MPDZ: variants seen among roughly 807,000 people sequenced by gnomAD.
MPDZ encodes the protein multiple PDZ domain protein.
A neutral mutation model predicts 239.1 loss-of-function variants in MPDZ; 234 were observed. The observed-to-expected ratio is 0.98, with a 90% CI of 0.88 to 1.09. The LOEUF is 1.09. Ranked by LOEUF, MPDZ falls within the 50% of genes least tolerant of loss-of-function variation. The pLI is 0.00. For synonymous variants in MPDZ, 1,048 were observed against 881.3 expected, an observed-to-expected ratio of 1.19 and a Z score of -3.35; for missense variants, 3,175 against 2,510.0, an observed-to-expected ratio of 1.26 and a Z score of -5.66.
chr9:13,122,306 A>G (rs1944469410), intron 36 of MPDZ, 136 bp from the exon 37 acceptor site: 14 of 729,100 alleles, frequency 1.9e-5, no homozygotes, highest in Admixed American at 2.9e-5. Flanking sequence ...TACAAGCTCC[A>G]TATAATTCAA....
Position 13,106,783 on chromosome 9 carries a change from A to G in MPDZ, c.*182T>C, listed in dbSNP as rs1364498201. ...CACAAAATGCAAGAAGAAAAGAAAA[A>G]TGATGTTAGGTTGTCAGTAAGGAAA... On this transcript the variant is annotated 3_prime_UTR_variant, in exon 47 of 47. Coordinates refer to ENST00000319217, the MANE Select transcript of MPDZ (RefSeq NM_001378778.1). 5.1e-6 allele frequency: 3 copies of G among 592,348 alleles called. No individual in the cohort carries two copies. In the East Asian group the frequency reaches 8.3e-5, roughly 16 times the overall value. The allele number at this position is 592,348 out of a possible 1,614,324, so 36.7% of individuals were successfully genotyped here. A position where few individuals can be genotyped will look rare whatever the true frequency, so the allele number is the denominator to read the frequency against.
intron 39 of MPDZ, among the ~76,000 whole-genome samples, chr9:13,118,277 A>G (rs1943804538): frequency 6.6e-6 from 1 of 152,238 alleles, no homozygotes; most frequent in Non-Finnish European, 1.5e-5. Flanking sequence ...AAAAGAATGT[A>G]TTCCTCCTTA....
Position 13,192,312 on chromosome 9 carries a change from AT to A in MPDZ, c.1804-18del. ...GCCATTTACCTGTGAAAAAAGATACATTGTCCAACAAACAACACTTCATAAT... is the reference window on the plus strand; with the variant it reads ...GCCATTTACCTGTGAAAAAAGATACATGTCCAACAAACAACACTTCATAAT... On this transcript the variant is annotated intron_variant, in intron 14 of 46. Coordinates refer to ENST00000319217, the MANE Select transcript of MPDZ (RefSeq NM_001378778.1). 1.3e-6 allele frequency: 2 copies of A among 1,579,100 alleles called. No individual in the cohort carries two copies. The highest frequency in any genetic ancestry group is 1.7e-6 in the Non-Finnish European group (2 of 1,160,222).
intron 21 of MPDZ, among the ~76,000 whole-genome samples, chr9:13,173,888 T>C (rs528927753): frequency 1.1e-4 from 17 of 152,248 alleles, no homozygotes; most frequent in African/African-American, 3.4e-4. Context: ...ACATGAAGGA[T>C]AAGGCAGTAG....
intron 1 of MPDZ, among the ~76,000 whole-genome samples, chr9:13,274,195 TTATG>T (rs1342060476): frequency 6.6e-6 from 1 of 152,176 alleles, no homozygotes; most frequent in African/African-American, 2.4e-5. Context: ...AATAATTACC[TTATG>T]TATTTTATTA....
chr9:13,266,282 A>C (rs1046945463), intron 1 of MPDZ, among the ~76,000 whole-genome samples: 1 of 152,180 alleles, frequency 6.6e-6, no homozygotes, highest in Non-Finnish European at 1.5e-5. Flanking sequence ...GTCCTCTGGG[A>C]AGAAAACAGC....
Position 13,115,135 on chromosome 9 carries a change from T to C in MPDZ, c.5466+113A>G. 5 of 808,086 alleles carry C rather than the reference T, an allele frequency of 6.2e-6. No homozygotes were observed. The East Asian group carries it at 1.3e-4, about 21-fold the overall frequency. 50.1% of individuals were successfully genotyped at this position (808,086 alleles called of 1,614,324 possible). A position where few individuals can be genotyped will look rare whatever the true frequency, so the allele number is the denominator to read the frequency against. The stretch of plus-strand genomic sequence containing the variant: ...GTCTCAAACTCTGCACCTCAGTCAC[T>C]ATCCCACGCTGCCAGGGGACCAGAC... On this transcript the variant is annotated intron_variant, in intron 40 of 46. Transcript: ENST00000319217.
At chr9:13,137,300 C>G in intron 29 of MPDZ, among the ~76,000 whole-genome samples, 1 of 152,122 alleles carries the variant, frequency 6.6e-6, no homozygotes, top group East Asian at 1.9e-4. Context: ...AGCACAGTGC[C>G]TAACGCAAAT....
At chr9:13,153,161 G>T (rs767124423) in intron 24 of MPDZ, among the ~76,000 whole-genome samples, 4 of 152,082 alleles carry the variant, frequency 2.6e-5, no homozygotes, top group African/African-American at 9.7e-5. Flanking sequence ...GTAAGAAGAG[G>T]CTGGGAATGA....
rs778751952 is a variant in MPDZ, at chr9:13,221,458, C to T, written c.790G>A (p.Gly264Arg). 1.9e-6 allele frequency: 3 copies of T among 1,611,078 alleles called. No individual in the cohort carries two copies. The highest frequency in any genetic ancestry group is 1.7e-5 in the Admixed American group (1 of 59,766). ...HMETIELVND[G>R]SGLGFGIIGG... is the part of the protein sequence containing the mutation. ...ATGATGCCAAATCCCAAACCAGATC[C>T]ATCATTCACCAATTCAATCGTTTCC... Residue 264 changes from glycine (G) to arginine (R), a missense_variant, in exon 7 of 47, where the codon GGA becomes AGA. Coordinates refer to ENST00000319217, the MANE Select transcript of MPDZ (RefSeq NM_001378778.1).
intron 32 of MPDZ, among the ~76,000 whole-genome samples, chr9:13,133,337 T>A (rs1587071067): frequency 6.6e-6 from 1 of 152,200 alleles, no homozygotes; most frequent in Non-Finnish European, 1.5e-5. Context: ...TAATAGTCCA[T>A]GATAAAGACT....
At chr9:13,227,736 T>C (rs1005531428) in intron 3 of MPDZ, among the ~76,000 whole-genome samples, 12 of 152,134 alleles carry the variant, frequency 7.9e-5, no homozygotes, top group Non-Finnish European at 1.8e-4. Context: ...TTAATATCAA[T>C]TGTCATTTCC....
rs763964370 is a variant in MPDZ at position 13,121,860 on chromosome 9, C to T, written c.5110G>A (p.Val1704Met). The change falls in exon 38 of 47, where the codon GTG (valine) becomes ATG (methionine). Residue 1704 changes from valine (V) to methionine (M), a missense_variant. Physicochemically the swap from Val to Met is conservative, Grantham distance 21. Transcript: ENST00000319217. Reference protein sequence around the residue: ...INVLRQTPQRVRLTLYRDEAP... With the variant: ...INVLRQTPQRMRLTLYRDEAP... ...TCATCTCTGTAGAGTGTCAGGCGCA[C>T]TCTCTGTGGCGTCTGTCTCAGGACA... is the stretch of plus-strand genomic sequence containing the variant. 1.2e-6 allele frequency: 2 copies of T among 1,613,906 alleles called. No individual in the cohort carries two copies. The highest frequency in any genetic ancestry group is 1.7e-6 in the Non-Finnish European group (2 of 1,179,856).
At chr9:13,272,286 G>T (rs1973157091) in intron 1 of MPDZ, among the ~76,000 whole-genome samples, 1 of 152,116 alleles carries the variant, frequency 6.6e-6, no homozygotes, top group South Asian at 2.1e-4. Context: ...ACATCTTAAT[G>T]AAGCTAGCTA....
intron 1 of MPDZ, chr9:13,276,902 T>C (rs1974326637): frequency 6.6e-6 from 1 of 152,238 alleles, no homozygotes; most frequent in South Asian, 2.1e-4. Context: ...ATCTCAATTC[T>C]AGACAATGGA....
intron 26 of MPDZ, 93 bp from the exon 27 acceptor site, chr9:13,143,657 G>T: frequency 2.1e-6 from 2 of 955,570 alleles, no homozygotes; most frequent in Non-Finnish European, 1.7e-6. Context: ...TTAAAGAACT[G>T]CCTGTGTGAA....
At chr9:13,266,187 C>T (rs1270208592) in intron 1 of MPDZ, among the ~76,000 whole-genome samples, 4 of 152,210 alleles carry the variant, frequency 2.6e-5, no homozygotes, top group African/African-American at 9.7e-5. Context: ...CAGTGGCTTT[C>T]ATGATTTCCC....
At chr9:13,240,249 G>C (rs1174706452) in intron 3 of MPDZ, among the ~76,000 whole-genome samples, 1 of 151,856 alleles carries the variant, frequency 6.6e-6, no homozygotes, top group Non-Finnish European at 1.5e-5. Flanking sequence ...AATTATATAG[G>C]AATGGACACA....
At chr9:13,254,653 A>G (rs1968979120) in intron 1 of MPDZ, among the ~76,000 whole-genome samples, 1 of 152,236 alleles carries the variant, frequency 6.6e-6, no homozygotes, top group African/African-American at 2.4e-5. Flanking sequence ...ATCTCTCAAC[A>G]AAAGGGGTCA....
Sources: gnomAD v4.1 joint callset for allele counts (sites outside exome capture counted in the v4.1 genomes callset) on GRCh38, gnomAD v4.1.1 for gene constraint, MANE v1.5 for transcripts, NCBI Gene and HGNC (gene_info 2026-07-23, HGNC 2026-07-21) for gene names.